ODF2: variants seen among roughly 807,000 people sequenced by gnomAD.
ODF2 encodes the protein outer dense fiber of sperm tails 2.
In ODF2, 47 loss-of-function variants were observed where a neutral mutation model predicts 110.2. That is an observed-to-expected ratio of 0.43 (90% CI 0.34 to 0.54). The LOEUF (loss-of-function observed/expected upper bound fraction) is 0.54. Among genes scored for constraint, ODF2 ranks in the 20% least tolerant of loss-of-function variants. ODF2 has a pLI of 0.03. For synonymous variants in ODF2, 352 were observed against 397.7 expected (o/e 0.89, Z 1.37); for missense variants, 812 against 1,054.5 (o/e 0.77, Z 3.19).
exon 19 of ODF2, chr9:128,498,431 T>A: frequency 1.9e-6 from 3 of 1,603,418 alleles, no homozygotes; most frequent in Non-Finnish European, 2.6e-6. Context: ...AGGCGACCAG[T>A]GCCCAGAATA....
At chr9:128,490,244 G>A (rs1250969151) in intron 14 of ODF2, among the ~76,000 whole-genome samples, 1 of 152,016 alleles carries the variant, frequency 6.6e-6, no homozygotes, top group Non-Finnish European at 1.5e-5. Context: ...TTACAGTGTG[G>A]TCATTCAAAA....
At chr9:128,498,889 A>C in intron 19 of ODF2, 112 bp from the exon 20 acceptor site, 1 of 1,389,460 alleles carries the variant, frequency 7.2e-7, no homozygotes, top group Non-Finnish European at 1.0e-6. Flanking sequence ...CACAGTCCAC[A>C]ATGATGTGCA....
At chr9:128,496,086 C>G (rs771340816) in exon 18 of ODF2, 7 of 1,613,874 alleles carry the variant, frequency 4.3e-6, no homozygotes, top group Non-Finnish European at 5.1e-6. Context: ...AGAGAAACAT[C>G]AGGCTTCCCA....
chr9:128,462,371 A>C (rs1028568282), intron 4 of ODF2, among the ~76,000 whole-genome samples: 1 of 151,914 alleles, frequency 6.6e-6, no homozygotes, highest in Non-Finnish European at 1.5e-5. Flanking sequence ...CTGGTCTCGA[A>C]CTCCCGACCT....
intron 8 of ODF2, among the ~76,000 whole-genome samples, chr9:128,474,880 C>G (rs1210275986): frequency 2.7e-5 from 4 of 149,566 alleles, no homozygotes; most frequent in Non-Finnish European, 4.5e-5. Flanking sequence ...AGGAGAATCA[C>G]TTGAACCTGG....
chr9:128,499,158 G>C lies in ODF2; in HGVS notation c.2301+32G>C, dbSNP rs762182389. ...CAGGCTGGTGGGCCGGGCTAGGAGA[G>C]TGGGCAGCAGACCTAGCTTCTGTGG... On this transcript the variant is annotated intron_variant, in intron 20 of 20. Transcript: ENST00000604420. The C allele has an allele frequency of 1.9e-6, 3 of 1,613,388 alleles. 1 individual carries two copies. In the South Asian group the frequency reaches 3.3e-5, roughly 18 times the overall value.
chr9:128,460,574 TC>T, intron 3 of ODF2: 1 of 1,613,914 alleles, frequency 6.2e-7, no homozygotes, highest in Non-Finnish European at 8.5e-7. Context: ...GGACCGCTCT[TC>T]AACTCCCCCC....
At chr9:128,476,675 T>A (rs1037481633) in intron 8 of ODF2, among the ~76,000 whole-genome samples, 1 of 150,964 alleles carries the variant, frequency 6.6e-6, no homozygotes, top group African/African-American at 2.4e-5. Context: ...TCTTGCTCTG[T>A]CGCCCAGGCT....
intron 14 of ODF2, among the ~76,000 whole-genome samples, chr9:128,490,680 G>C (rs2132180099): frequency 6.6e-6 from 1 of 152,260 alleles, no homozygotes; most frequent in South Asian, 2.1e-4. Context: ...CGCTAGCCAT[G>C]AACATATATT....
intron 11 of ODF2, 63 bp from the exon 12 acceptor site, chr9:128,484,638 T>C: frequency 6.6e-7 from 1 of 1,518,418 alleles, no homozygotes; most frequent in Non-Finnish European, 8.9e-7. Context: ...ACCCTCTGCT[T>C]TGCCTTCCCA....
At chr9:128,470,018 AATATATATATATATATAT>A (rs769896764) in intron 5 of ODF2, among the ~76,000 whole-genome samples, 15 of 16,982 alleles carry the variant, frequency 8.8e-4, no homozygotes, top group Non-Finnish European at 6.7e-4. Context: ...AAAAAAAAAA[AATATATATATATATATAT>A]ATATATATAT....
intron 4 of ODF2, among the ~76,000 whole-genome samples, chr9:128,463,035 G>T (rs989304404): frequency 4.6e-5 from 7 of 152,152 alleles, no homozygotes; most frequent in African/African-American, 1.4e-4. Flanking sequence ...GGCCCAGGAG[G>T]GAGGATCGCT....
chr9:128,498,453 CAGGTGATTG>C, exon 19 of ODF2: 1 of 1,612,272 alleles, frequency 6.2e-7, no homozygotes, highest in South Asian at 1.1e-5. Context: ...CGAGTTCCTA[CAGGTGATTG>C]CCAAGAGGGA....
intron 13 of ODF2, among the ~76,000 whole-genome samples, chr9:128,486,114 A>C (rs1004350158): frequency 9.2e-5 from 14 of 152,310 alleles, no homozygotes; most frequent in Non-Finnish European, 1.2e-4. Flanking sequence ...AGCAGTAAGA[A>C]GACAAATGCA....
At chr9:128,466,316 A>G (rs1293446187) in intron 4 of ODF2, among the ~76,000 whole-genome samples, 1 of 151,820 alleles carries the variant, frequency 6.6e-6, no homozygotes, top group Admixed American at 6.6e-5. Context: ...AAATACAAAA[A>G]ATTAGCCCAG....
chr9:128,458,262 G>T (rs1835462947), intron 2 of ODF2, among the ~76,000 whole-genome samples: 1 of 152,068 alleles, frequency 6.6e-6, no homozygotes, highest in Non-Finnish European at 1.5e-5. Context: ...AGACCAGCCT[G>T]ACCAACATGG....
chr9:128,470,046 T>TATATATATATATATATAA (rs1273553014), intron 5 of ODF2, among the ~76,000 whole-genome samples: 10 of 56,666 alleles, frequency 1.8e-4, no homozygotes, highest in East Asian at 4.8e-4. Context: ...TATATATATA[T>TATATATATATATATATAA]AAATAAAAAA....
At chr9:128,461,753 T>C (rs1214198581) in intron 4 of ODF2, among the ~76,000 whole-genome samples, 1 of 152,074 alleles carries the variant, frequency 6.6e-6, no homozygotes, top group African/African-American at 2.4e-5. Flanking sequence ...TAGAAATCTT[T>C]CATACCAGCA....
chr9:128,492,453 C>T, exon 15 of ODF2: 1 of 1,613,958 alleles, frequency 6.2e-7, no homozygotes, highest in Non-Finnish European at 8.5e-7. Flanking sequence ...GGAGGACAAA[C>T]TCAACCAGGC....
Sources: gnomAD v4.1 joint callset for allele counts (sites outside exome capture counted in the v4.1 genomes callset) on GRCh38, gnomAD v4.1.1 for gene constraint, MANE v1.5 for transcripts, NCBI Gene and HGNC (gene_info 2026-07-23, HGNC 2026-07-21) for gene names.